Variants in ROBO1 observed in about 807,000 individuals in gnomAD.
The protein encoded by ROBO1 is roundabout guidance receptor 1.
ROBO1 carries 149 observed loss-of-function variants against 195.9 expected under a neutral mutation model. That is an observed-to-expected ratio of 0.76 (90% CI 0.67 to 0.87). ROBO1 has a LOEUF of 0.87. Ranked by LOEUF, ROBO1 falls within the 40% of genes least tolerant of loss-of-function variation. The probability of loss-of-function intolerance (pLI) is 0.00; values close to 1 mark genes in which losing one functional copy is unlikely to be tolerated. For synonymous variants in ROBO1, 816 were observed against 733.2 expected (o/e 1.11, Z -1.82); for missense variants, 1,933 against 2,068.3 (o/e 0.93, Z 1.27).
At chr3:78,753,568 A>G (rs2082850568) in intron 4 of ROBO1, among the ~76,000 whole-genome samples, 1 of 152,102 alleles carries the variant, frequency 6.6e-6, no homozygotes, top group Non-Finnish European at 1.5e-5. Flanking sequence ...GAGAGTGTGT[A>G]GGTTTCTTAC....
chr3:78,678,471 A>G (rs886316610), intron 10 of ROBO1, among the ~76,000 whole-genome samples: 1 of 152,226 alleles, frequency 6.6e-6, no homozygotes, highest in Admixed American at 6.5e-5. Flanking sequence ...AAATGGATGC[A>G]ATAAAAAATG....
intron 2 of ROBO1, among the ~76,000 whole-genome samples, chr3:79,252,088 T>C (rs1012364262): frequency 1.3e-5 from 2 of 152,092 alleles, no homozygotes; most frequent in African/African-American, 4.8e-5. Context: ...TATCTCACAA[T>C]ATATACTTGG....
intron 4 of ROBO1, among the ~76,000 whole-genome samples, chr3:78,881,338 T>C (rs1053526646): frequency 6.6e-6 from 1 of 152,194 alleles, no homozygotes; most frequent in African/African-American, 2.4e-5. Flanking sequence ...ATTCACCTCA[T>C]AGACTGCGCT....
intron 3 of ROBO1, among the ~76,000 whole-genome samples, chr3:79,106,583 G>A (rs2079785054): frequency 6.6e-6 from 1 of 151,504 alleles, no homozygotes; most frequent in Non-Finnish European, 1.5e-5. Context: ...TGTTAAGAAT[G>A]AATTATTTTT....
Position 78,693,115 on chromosome 3 carries a change from C to T in ROBO1, c.1046-4343G>A, listed in dbSNP as rs145902676. 7.9e-4 allele frequency: 365 copies of T among 461,714 alleles called. 2 individuals are homozygous for T. The highest frequency in any genetic ancestry group is 6.7e-3 in the African/African-American group (335 of 50,290). The allele number at this position is 461,714 out of a possible 1,614,324, so 28.6% of individuals were successfully genotyped here. A position where few individuals can be genotyped will look rare whatever the true frequency, so the allele number is the denominator to read the frequency against. On this transcript the variant is annotated intron_variant, in intron 8 of 30. Transcript: ENST00000464233. The stretch of plus-strand genomic sequence containing the variant: ...AAATAAAAGGATGCAGATCACACAT[C>T]ATTTAATTTCATAAGATATAAAGTT...
chr3:79,167,309 A>C (rs562089506), intron 2 of ROBO1, among the ~76,000 whole-genome samples: 21 of 152,232 alleles, frequency 1.4e-4, no homozygotes, highest in African/African-American at 4.8e-4. Context: ...GTGCCAACAA[A>C]ATTCCAGAAG....
At chr3:79,458,501 C>T (rs953384508) in intron 2 of ROBO1, among the ~76,000 whole-genome samples, 2 of 152,046 alleles carry the variant, frequency 1.3e-5, no homozygotes, top group African/African-American at 4.8e-5. Flanking sequence ...GAATGCTCAA[C>T]AGTATCTTCA....
rs547166853 is a variant in ROBO1 at position 78,814,133 on chromosome 3, T to C, written c.500-67233A>G. ...ACTACTGATGGACCTTTTTTACTCTTCAACAGCTTGAACAAAAGGTACCTT... is the reference window on the plus strand; with the variant it reads ...ACTACTGATGGACCTTTTTTACTCTCCAACAGCTTGAACAAAAGGTACCTT... On this transcript the variant is annotated intron_variant, in intron 4 of 30. Transcript: ENST00000464233. Among the ~76,000 whole-genome samples, 14 of 152,152 alleles carry C rather than the reference T, an allele frequency of 9.2e-5. No individual in the cohort carries two copies. In the South Asian group the frequency reaches 2.9e-3, roughly 32 times the overall value.
chr3:79,251,608 G>A (rs918290477), intron 2 of ROBO1, among the ~76,000 whole-genome samples: 2 of 152,016 alleles, frequency 1.3e-5, no homozygotes, highest in African/African-American at 4.8e-5. Flanking sequence ...AAAATTAGCT[G>A]GGCATGGTGG....
At chr3:79,017,472 T>TGTGTGG (rs1553659469) in intron 3 of ROBO1, among the ~76,000 whole-genome samples, 2 of 150,412 alleles carry the variant, frequency 1.3e-5, no homozygotes, top group African/African-American at 4.9e-5. Flanking sequence ...TGTGTGTGTG[T>TGTGTGG]GTGTGTGTGT....
intron 2 of ROBO1, among the ~76,000 whole-genome samples, chr3:79,547,779 A>C (rs1942324664): frequency 6.6e-6 from 1 of 152,216 alleles, no homozygotes; most frequent in South Asian, 2.1e-4. Flanking sequence ...CCAAGAAAAT[A>C]GAAATTTATC....
At position 79,139,642 on chromosome 3, in the gene ROBO1, A is replaced by G. The variant is rs190463613; in HGVS notation, c.89-14103T>C. ...TCCTCAATAATATCTGATGTGACAGATACCTTGCTGGGTTGGAATTTAATC... is the reference window on the plus strand; with the variant it reads ...TCCTCAATAATATCTGATGTGACAGGTACCTTGCTGGGTTGGAATTTAATC... On this transcript the variant is annotated intron_variant, in intron 2 of 30. Coordinates refer to ENST00000464233, the MANE Select transcript of ROBO1 (RefSeq NM_002941.4). Among the ~76,000 whole-genome samples the G allele has an allele frequency of 8.5e-5, 13 of 152,252 alleles. No homozygotes were observed. In the East Asian group the frequency reaches 2.1e-3, roughly 25 times the overall value.
At chr3:79,472,289 A>T (rs538716752) in intron 2 of ROBO1, among the ~76,000 whole-genome samples, 1 of 152,268 alleles carries the variant, frequency 6.6e-6, no homozygotes, top group Non-Finnish European at 1.5e-5. Context: ...GTTTAGGATT[A>T]GAAATTCAGA....
intron 2 of ROBO1, among the ~76,000 whole-genome samples, chr3:79,338,601 T>C (rs2034782235): frequency 6.6e-6 from 1 of 152,196 alleles, no homozygotes. Flanking sequence ...CTCCCTTTGA[T>C]GTATTTTCTT....
intron 1 of ROBO1, among the ~76,000 whole-genome samples, chr3:79,652,211 G>A (rs1946031390): frequency 1.3e-5 from 2 of 152,006 alleles, no homozygotes; most frequent in South Asian, 4.2e-4. Flanking sequence ...TCTCCAGGGG[G>A]AATTCTAAGC....
chr3:79,334,147 A>G (rs2109188290), intron 2 of ROBO1, among the ~76,000 whole-genome samples: 2 of 151,770 alleles, frequency 1.3e-5, no homozygotes, highest in East Asian at 1.9e-4. Context: ...TCTACTAAAA[A>G]TTAAAAAATT....
chr3:79,530,367 T>G (rs1369364437), intron 2 of ROBO1, among the ~76,000 whole-genome samples: 1 of 152,040 alleles, frequency 6.6e-6, no homozygotes, highest in Non-Finnish European at 1.5e-5. Context: ...CGAGAGAGAT[T>G]TTTTTTCCTG....
At chr3:79,527,342 G>A (rs1322414143) in intron 2 of ROBO1, among the ~76,000 whole-genome samples, 1 of 151,972 alleles carries the variant, frequency 6.6e-6, no homozygotes, top group Non-Finnish European at 1.5e-5. Flanking sequence ...GTGTTACTAG[G>A]ATAACCCCAA....
At chr3:78,885,438 A>C (rs1228966118) in intron 4 of ROBO1, among the ~76,000 whole-genome samples, 4 of 149,974 alleles carry the variant, frequency 2.7e-5, no homozygotes, top group South Asian at 2.1e-4. Context: ...AAAAAAAAAA[A>C]AAAACTGAGA....
Sources: allele counts gnomAD v4.1 joint callset (sites outside exome capture counted in the v4.1 genomes callset), GRCh38; gene constraint gnomAD v4.1.1; transcripts MANE v1.5; gene names NCBI Gene and HGNC (gene_info 2026-07-23, HGNC 2026-07-21).